Variants in RALGPS1 observed in about 807,000 individuals in gnomAD.
RALGPS1 encodes ras-specific guanine nucleotide-releasing factor RalGPS1.
A neutral mutation model predicts 78.8 loss-of-function variants in RALGPS1; 19 were observed. The ratio of observed to expected loss-of-function variants is 0.24; its 90% CI spans 0.17 to 0.35. The LOEUF (loss-of-function observed/expected upper bound fraction) is 0.35. RALGPS1 is among the 10% of genes least tolerant of loss of function. RALGPS1 has a pLI of 1.00. For missense variants in RALGPS1, 454 were observed against 688.3 expected (o/e 0.66, Z 3.81); for synonymous variants, 228 against 256.3 (o/e 0.89, Z 1.06).
chr9:126,948,772 C>A (rs1564292734), intron 1 of RALGPS1, among the ~76,000 whole-genome samples: 1 of 151,878 alleles, frequency 6.6e-6, no homozygotes, highest in Non-Finnish European at 1.5e-5. Flanking sequence ...CAAGAAGACG[C>A]TTTTCCTGGC....
intron 8 of RALGPS1, among the ~76,000 whole-genome samples, chr9:127,078,410 G>T (rs897887693): frequency 1.3e-5 from 2 of 152,176 alleles, no homozygotes. Context: ...AACATAGCTT[G>T]ACTCATGACT....
intron 2 of RALGPS1, among the ~76,000 whole-genome samples, chr9:126,964,344 G>A (rs576157501): frequency 4.8e-4 from 72 of 149,058 alleles, no homozygotes; most frequent in African/African-American, 1.7e-3. Flanking sequence ...ACTTTTGCCC[G>A]GGTGACAGAG....
intron 8 of RALGPS1, among the ~76,000 whole-genome samples, chr9:127,123,204 G>T (rs1488978974): frequency 6.6e-6 from 1 of 152,340 alleles, no homozygotes; most frequent in South Asian, 2.1e-4. Flanking sequence ...GGAGTCCAAG[G>T]CTGTCCACAC....
At chr9:127,194,678 G>A (rs2061259388) in intron 11 of RALGPS1, among the ~76,000 whole-genome samples, 1 of 152,166 alleles carries the variant, frequency 6.6e-6, no homozygotes, top group Admixed American at 6.5e-5. Flanking sequence ...CTCCCAAATT[G>A]CTGGGATTAC....
intron 4 of RALGPS1, among the ~76,000 whole-genome samples, chr9:126,997,884 A>G (rs184433299): frequency 7.9e-5 from 12 of 152,330 alleles, no homozygotes; most frequent in Non-Finnish European, 7.3e-5. Flanking sequence ...CAACTATCTG[A>G]TCTTTGACAA....
At chr9:127,069,136 A>C (rs2135842324) in intron 7 of RALGPS1, 94 bp from the exon 8 acceptor site, 1 of 1,247,898 alleles carries the variant, frequency 8.0e-7, no homozygotes, top group Non-Finnish European at 1.1e-6. Flanking sequence ...TAGATATGTC[A>C]CTTAGGATTT....
intron 3 of RALGPS1, among the ~76,000 whole-genome samples, chr9:126,972,364 C>A (rs971469962): frequency 1.3e-5 from 2 of 152,152 alleles, no homozygotes; most frequent in African/African-American, 4.8e-5. Flanking sequence ...TACTTTTGAA[C>A]AAACTACACT....
intron 1 of RALGPS1, among the ~76,000 whole-genome samples, chr9:126,939,426 G>C (rs913783687): frequency 6.6e-6 from 1 of 152,184 alleles, no homozygotes; most frequent in African/African-American, 2.4e-5. Context: ...TCCCATGCCA[G>C]GCACTGTGAT....
At chr9:127,093,509 A>C (rs775949932) in intron 8 of RALGPS1, among the ~76,000 whole-genome samples, 4 of 152,184 alleles carry the variant, frequency 2.6e-5, no homozygotes, top group African/African-American at 4.8e-5. Context: ...AGCAGTTTCT[A>C]GCAGCAGGCA....
intron 10 of RALGPS1, among the ~76,000 whole-genome samples, chr9:127,174,345 C>G (rs1223374119): frequency 6.6e-6 from 1 of 152,056 alleles, no homozygotes; most frequent in African/African-American, 2.4e-5. Context: ...AAAACTAACT[C>G]TGGTTCAGGG....
chr9:127,014,141 C>T (rs772491389), intron 4 of RALGPS1, among the ~76,000 whole-genome samples: 6 of 152,146 alleles, frequency 3.9e-5, no homozygotes, highest in East Asian at 1.9e-4. Flanking sequence ...CAGAGCAGCC[C>T]GGGCCTGAGG....
intron 5 of RALGPS1, among the ~76,000 whole-genome samples, chr9:127,042,577 A>T (rs769994062): frequency 3.3e-5 from 5 of 152,238 alleles, no homozygotes; most frequent in Non-Finnish European, 5.9e-5. Context: ...TAATGGTAAG[A>T]CACTGAATAC....
chr9:126,977,993 G>T, intron 4 of RALGPS1: 1 of 354,116 alleles, frequency 2.8e-6, no homozygotes, highest in Non-Finnish European at 5.1e-6. Context: ...AGGACTCCAC[G>T]CCTGAGAGTC....
intron 1 of RALGPS1, among the ~76,000 whole-genome samples, chr9:126,951,207 A>C: frequency 6.7e-6 from 1 of 150,136 alleles, no homozygotes; most frequent in Non-Finnish European, 1.5e-5. Flanking sequence ...GTCCAGGACC[A>C]GATGGATTCA....
At chr9:126,973,747 C>G (rs902646729) in intron 3 of RALGPS1, among the ~76,000 whole-genome samples, 1 of 152,172 alleles carries the variant, frequency 6.6e-6, no homozygotes, top group African/African-American at 2.4e-5. Context: ...TTAAACAACT[C>G]CCCATTCCCT....
intron 8 of RALGPS1, among the ~76,000 whole-genome samples, chr9:127,133,573 C>T (rs985342762): frequency 4.6e-5 from 7 of 152,216 alleles, no homozygotes; most frequent in African/African-American, 1.4e-4. Flanking sequence ...ACCCACTCAC[C>T]CACCGGCCTG....
intron 8 of RALGPS1, among the ~76,000 whole-genome samples, chr9:127,146,437 A>C (rs1705634366): frequency 6.6e-6 from 1 of 151,826 alleles, no homozygotes; most frequent in Non-Finnish European, 1.5e-5. Context: ...CATGGTATAT[A>C]TATGTACATT....
intron 5 of RALGPS1, among the ~76,000 whole-genome samples, chr9:127,047,159 C>A (rs2135229671): frequency 6.6e-6 from 1 of 152,242 alleles, no homozygotes; most frequent in African/African-American, 2.4e-5. Context: ...ATGAATTTAT[C>A]TGAGGACCTT....
intron 8 of RALGPS1, chr9:127,108,767 G>A: frequency 6.4e-7 from 1 of 1,562,322 alleles, no homozygotes; most frequent in Non-Finnish European, 8.7e-7. Context: ...TTTGTGAATA[G>A]AATCTATGAA....
Sources: allele counts gnomAD v4.1 joint callset (sites outside exome capture counted in the v4.1 genomes callset), GRCh38; gene constraint gnomAD v4.1.1; transcripts MANE v1.5; gene names NCBI Gene and HGNC (gene_info 2026-07-23, HGNC 2026-07-21).